The following FTCD variants were observed in gnomAD, a reference collection of about 807,000 sequenced individuals.
The protein encoded by FTCD is formimidoyltransferase-cyclodeaminase.
Under a neutral mutation model 62.9 loss-of-function variants are expected in FTCD, and 76 were observed. The ratio of observed to expected loss-of-function variants is 1.21; its 90% CI spans 1.00 to 1.46. The LOEUF (loss-of-function observed/expected upper bound fraction) is 1.46. FTCD is among the 40% of genes most tolerant of loss of function. The pLI is 0.00. For synonymous variants in FTCD, 397 were observed against 336.9 expected (o/e 1.18, Z -1.95); for missense variants, 845 against 751.3 (o/e 1.12, Z -1.46).
At position 46,138,535 on chromosome 21, in the gene FTCD, C is replaced by T. The variant is rs1276423044; in HGVS notation, c.1416G>A (p.Gly472=). Residue 472 remains glycine, a synonymous_variant, in exon 12 of 14, where the codon GGG becomes GGA. Transcript: ENST00000397746. ...WPALQELARC[G]NLACRSDLQV... ...GGAGGTCTGACCGGCAGGCCAGGTT[C>T]CCACACCGGGCCAGTTCCTGCAGGG... 7 of 1,586,180 alleles carry T rather than the reference C, an allele frequency of 4.4e-6. No individual in the cohort carries two copies. In the East Asian group the frequency reaches 1.6e-4, roughly 36 times the overall value.
chr21:46,141,299 CTTTA>C lies in FTCD; in HGVS notation c.1261-2380_1261-2377del, dbSNP rs1186159339. Among the ~76,000 whole-genome samples the C allele has an allele frequency of 5.9e-3, 827 of 140,600 alleles. 9 individuals are homozygous for C. Among genetic ancestry groups the C allele is most frequent in the African/African-American group, 0.022 (740 of 33,988 alleles). The allele number at this position is 140,600 out of a possible 152,430, so 92.2% of individuals were successfully genotyped here. A position where few individuals can be genotyped will look rare whatever the true frequency, so the allele number is the denominator to read the frequency against. ...CACAGGTACCTGCTACCACGCCTGG[CTTTA>C]TTTTTTTTTTTTCTTTTTGGGTGGG... On this transcript the variant is annotated intron_variant, in intron 10 of 13. Transcript: ENST00000397746.
chr21:46,143,843 T>C (rs559476115), intron 10 of FTCD, among the ~76,000 whole-genome samples: 2 of 152,234 alleles, frequency 1.3e-5, no homozygotes, highest in African/African-American at 4.8e-5. Flanking sequence ...AAGACTCTGG[T>C]CCACCACCTC....
chr21:46,145,206 G>A (rs1014366135), intron 10 of FTCD, among the ~76,000 whole-genome samples: 4 of 152,176 alleles, frequency 2.6e-5, no homozygotes, highest in East Asian at 1.9e-4. Context: ...CACCCTGGCC[G>A]AACCCTCAAA....
chr21:46,152,158 TCA>T, intron 3 of FTCD, 178 bp from the exon 4 acceptor site: 1 of 581,160 alleles, frequency 1.7e-6, no homozygotes, highest in Non-Finnish European at 3.0e-6. Context: ...CAGTGGACCC[TCA>T]GTGTGGGCCA....
chr21:46,148,003 C>T (rs1384330842), intron 7 of FTCD, among the ~76,000 whole-genome samples: 2 of 151,206 alleles, frequency 1.3e-5, no homozygotes, highest in African/African-American at 4.9e-5. Flanking sequence ...CGGGGCCTCA[C>T]ACATAAGAAG....
chr21:46,146,176 G>A (rs80225292), intron 8 of FTCD, 90 bp downstream of exon 8: 88,959 of 947,544 alleles, frequency 0.094, 4,598 homozygotes, highest in South Asian at 0.12. Context: ...GGACTCAGCC[G>A]GGTCTCCACG....
chr21:46,137,771 G>A (rs963058232), intron 12 of FTCD, among the ~76,000 whole-genome samples: 3 of 152,134 alleles, frequency 2.0e-5, no homozygotes, highest in Non-Finnish European at 4.4e-5. Flanking sequence ...AGACCATGAG[G>A]TCTTAGGGCA....
At chr21:46,143,910 T>C (rs1020636898) in intron 10 of FTCD, among the ~76,000 whole-genome samples, 1 of 152,188 alleles carries the variant, frequency 6.6e-6, no homozygotes, top group African/African-American at 2.4e-5. Flanking sequence ...TGTGATGCTG[T>C]GCTTTAGAGC....
At chr21:46,148,993 A>T (rs564799866) in intron 7 of FTCD, among the ~76,000 whole-genome samples, 2 of 152,316 alleles carry the variant, frequency 1.3e-5, no homozygotes, top group East Asian at 3.9e-4. Flanking sequence ...ACACAGCCTT[A>T]ATAAATTAGG....
chr21:46,140,289 A>T (rs2078967820), intron 10 of FTCD, among the ~76,000 whole-genome samples: 1 of 147,776 alleles, frequency 6.8e-6, no homozygotes, highest in Non-Finnish European at 1.5e-5. Context: ...GTTCACAGGG[A>T]ATGTAAATCA....
intron 10 of FTCD, among the ~76,000 whole-genome samples, chr21:46,143,432 G>A (rs1331027436): frequency 1.4e-5 from 2 of 147,028 alleles, no homozygotes; most frequent in African/African-American, 4.9e-5. Flanking sequence ...CCGAGGGCAC[G>A]AGCTGTTTTA....
chr21:46,136,437 G>A (rs1262914577), downstream of FTCD: 2 of 1,612,528 alleles, frequency 1.2e-6, no homozygotes, highest in Admixed American at 1.7e-5. Flanking sequence ...GCCGGGAGCT[G>A]CACCTGGGAA....
Position 46,145,844 on chromosome 21 carries a change from A to G in FTCD, c.1072T>C (p.Ser358Pro). ...GARSAAPGGG[S>P]VAAAAAAMGA... Reference sequence around the variant, plus strand: ...ATGGCCGCAGCGGCCGCCGCCACCGAGCCGCCCCCGGGGGCCGCAGAGCGG... The same window carrying G: ...ATGGCCGCAGCGGCCGCCGCCACCGGGCCGCCCCCGGGGGCCGCAGAGCGG... The change falls in exon 9 of 14, where the codon TCG becomes CCG. Residue 358 changes from serine (S) to proline (P), a missense_variant. Transcript: ENST00000397746. The G allele has an allele frequency of 1.0e-6, 1 of 972,696 alleles. No individual in the cohort carries two copies. The highest frequency in any genetic ancestry group is 2.4e-5 in the South Asian group (1 of 42,546). The allele number at this position is 972,696 out of a possible 1,614,324, so 60.3% of individuals were successfully genotyped here. A position where few individuals can be genotyped will look rare whatever the true frequency, so the allele number is the denominator to read the frequency against.
At chr21:46,142,362 T>G (rs941653563) in intron 10 of FTCD, 1 of 145,088 alleles carries the variant, frequency 6.9e-6, no homozygotes, top group Admixed American at 6.7e-5. Flanking sequence ...CTCTTACAGG[T>G]GGCGCGTCGG....
chr21:46,151,467 T>TC (rs1568980870), intron 5 of FTCD, 91 bp downstream of exon 5: 5 of 941,246 alleles, frequency 5.3e-6, no homozygotes, highest in Non-Finnish European at 1.5e-6. Context: ...CGGTGCCCCA[T>TC]CCCCACCGAC....
Position 46,145,922 on chromosome 21 carries a change from CA to C in FTCD, c.993del (p.Glu332SerfsTer46). 1 of 1,501,918 alleles carries C rather than the reference CA, an allele frequency of 6.7e-7. No individual in the cohort carries two copies. Among genetic ancestry groups the C allele is most frequent in the Non-Finnish European group, 8.8e-7 (1 of 1,132,160 alleles). 93.0% of individuals were successfully genotyped at this position (1,501,918 alleles called of 1,614,324 possible). A position where few individuals can be genotyped will look rare whatever the true frequency, so the allele number is the denominator to read the frequency against. ...IIEYLVPERG[P>X]ERGLGSKSLR... is the part of the protein sequence containing the mutation. ...AGGGACTTGCTGCCCAGGCCTCGCT[CA>C]GGCCCGCGCTCAGGGACCAGGTACC... On this transcript the variant is annotated frameshift_variant, in exon 9 of 14. Transcript: ENST00000397746. LOFTEE classifies it high-confidence loss of function.
At chr21:46,151,036 T>C (rs948767530) in intron 5 of FTCD, among the ~76,000 whole-genome samples, 5 of 152,192 alleles carry the variant, frequency 3.3e-5, no homozygotes, top group Admixed American at 6.5e-5. Flanking sequence ...GGACCTTGGC[T>C]GTTTGTGGGA....
At chr21:46,138,394 G>T in intron 12 of FTCD, 114 bp downstream of exon 12, 2 of 1,004,120 alleles carry the variant, frequency 2.0e-6, no homozygotes, top group Non-Finnish European at 1.5e-6. Flanking sequence ...CCCGTGAAGT[G>T]AGGTCTCCCT....
At chr21:46,150,321 C>G in intron 6 of FTCD, 67 bp downstream of exon 6, 7 of 1,609,788 alleles carry the variant, frequency 4.3e-6, no homozygotes, top group Non-Finnish European at 5.9e-6. Flanking sequence ...GGATGTGGGG[C>G]CCCCGCCCTG....
Sources: gnomAD v4.1 joint callset for allele counts (sites outside exome capture counted in the v4.1 genomes callset) on GRCh38, gnomAD v4.1.1 for gene constraint, MANE v1.5 for transcripts, NCBI Gene and HGNC (gene_info 2026-07-23, HGNC 2026-07-21) for gene names.